The following PTPN14 variants were observed in gnomAD, a reference collection of about 807,000 sequenced individuals.
The protein encoded by PTPN14 is protein tyrosine phosphatase non-receptor type 14, also known as tyrosine-protein phosphatase non-receptor type 14.
Under a neutral mutation model 126.8 loss-of-function variants are expected in PTPN14, and 53 were observed. That is an observed-to-expected ratio of 0.42 (90% confidence interval 0.34 to 0.53). The LOEUF is 0.53. PTPN14 is among the 20% of genes least tolerant of loss of function. PTPN14 has a pLI of 0.08. For missense variants in PTPN14, 1,257 were observed against 1,552.9 expected, an observed-to-expected ratio of 0.81 and a Z score of 3.20; for synonymous variants, 630 against 599.3, an observed-to-expected ratio of 1.05 and a Z score of -0.75.
chr1:214,397,997 T>C lies in PTPN14; in HGVS notation c.674A>G (p.Asn225Ser), dbSNP rs768735006. Residue 225 changes from asparagine (N) to serine (S), a missense_variant, in exon 8 of 19, where the codon AAT becomes AGT. Transcript: ENST00000366956. ...GCCAAGGTGTACACAGTTTCCATGA[T>C]TGTCCTGGGTAAGACCAACAAAAGA... is the stretch of plus-strand genomic sequence containing the variant. The part of the protein sequence containing the change: ...FGQEIFPVKD[N>S]HGNCVHLGIF... 46 of 1,609,176 alleles carry C rather than the reference T, an allele frequency of 2.9e-5. No individual in the cohort carries two copies. Among genetic ancestry groups the C allele is most frequent in the Admixed American group, 1.8e-4 (11 of 59,988 alleles).
At chr1:214,539,728 G>A (rs962978851) in intron 1 of PTPN14, among the ~76,000 whole-genome samples, 1 of 152,084 alleles carries the variant, frequency 6.6e-6, no homozygotes, top group Non-Finnish European at 1.5e-5. Context: ...GAGGAGGAGG[G>A]AGGAAAGCAG....
Position 214,372,693 on chromosome 1 carries a change from GT to G in PTPN14, c.3036+17del, listed in dbSNP as rs1426007017. On this transcript the variant is annotated intron_variant, in intron 16 of 18. Transcript: ENST00000366956. ...TTCCCCTGGGGAAAAAGGATGTGGA[GT>G]AGGCCATTCCCCTTACCTCCTCTGC... The G allele has an allele frequency of 6.2e-7, 1 of 1,613,932 alleles. No individual in the cohort carries two copies. Among genetic ancestry groups the G allele is most frequent in the Non-Finnish European group, 8.5e-7 (1 of 1,179,904 alleles).
At chr1:214,368,906 T>G (rs1377531448) in intron 17 of PTPN14, among the ~76,000 whole-genome samples, 1 of 152,146 alleles carries the variant, frequency 6.6e-6, no homozygotes, top group Non-Finnish European at 1.5e-5. Flanking sequence ...TGCTTGAATC[T>G]GAGAGGCGGA....
chr1:214,375,678 G>A (rs17022757), intron 15 of PTPN14, among the ~76,000 whole-genome samples: 34,045 of 152,064 alleles, frequency 0.22, 4,165 homozygotes, highest in South Asian at 0.29. Context: ...GACTAATGTG[G>A]CAAATCTTTC....
At chr1:214,477,686 T>C (rs1309736401) in intron 1 of PTPN14, among the ~76,000 whole-genome samples, 2 of 152,204 alleles carry the variant, frequency 1.3e-5, no homozygotes, top group Non-Finnish European at 1.5e-5. Flanking sequence ...CATGTGGGGA[T>C]GGCTCTTCCC....
intron 11 of PTPN14, among the ~76,000 whole-genome samples, chr1:214,390,310 G>A (rs1222661062): frequency 1.3e-5 from 2 of 152,168 alleles, no homozygotes; most frequent in Non-Finnish European, 2.9e-5. Context: ...CATAGCCTAA[G>A]ACAGAACACA....
In PTPN14 at chr1:214,384,051, C is replaced by T. The variant is rs1056162245; in HGVS notation, c.1804G>A (p.Val602Met). The change falls in exon 13 of 19, where the codon GTG becomes ATG. Residue 602 changes from valine (V) to methionine (M), a missense_variant. This residue lies in a region of PTPN14 where 1,021 missense variants were observed against 1,183.3 expected (regional missense o/e 0.86). Coordinates refer to ENST00000366956, the MANE Select transcript of PTPN14 (RefSeq NM_005401.5). This position sits in a 1 kb window ranked among gnomAD's most constrained non-coding sequence, Gnocchi z 5.3. Reference protein sequence around the residue: ...GSSPDLVTRKVQLSVKTFQED... With the variant: ...GSSPDLVTRKMQLSVKTFQED... ...TGGAAGGTCTTCACCGAGAGCTGCA[C>T]CTTCCGGGTCACCAGGTCCGGGCTG... The T allele has an allele frequency of 3.2e-6, 5 of 1,585,872 alleles. No individual in the cohort carries two copies. The highest frequency in any genetic ancestry group is 4.3e-6 in the Non-Finnish European group (5 of 1,168,406).
Position 214,378,025 on chromosome 1 carries a change from C to T in PTPN14, c.2622G>A (p.Ser874=), listed in dbSNP as rs533003920. Residue 874 remains serine (S), a synonymous_variant, in exon 14 of 19, where the codon TCG becomes TCA. Coordinates refer to ENST00000366956, the MANE Select transcript of PTPN14 (RefSeq NM_005401.5). ...PLMLAALNGL[S]VARVSGREEN... Reference sequence around the variant, plus strand: ...CTTCCCGCCCTGAGACTCGAGCCACCGAGAGCCCATTCAATGCTGCCAACA... The same window carrying T: ...CTTCCCGCCCTGAGACTCGAGCCACTGAGAGCCCATTCAATGCTGCCAACA... 16 of 1,613,122 alleles carry T rather than the reference C, an allele frequency of 9.9e-6. No individual in the cohort carries two copies. The highest frequency in any genetic ancestry group is 3.3e-5 in the South Asian group (3 of 91,072).
At chr1:214,394,280 G>A (rs1474053345) in intron 9 of PTPN14, among the ~76,000 whole-genome samples, 1 of 152,216 alleles carries the variant, frequency 6.6e-6, no homozygotes, top group Non-Finnish European at 1.5e-5. Flanking sequence ...GTCACTAGAT[G>A]AGGGCTGTAA....
intron 1 of PTPN14, among the ~76,000 whole-genome samples, chr1:214,467,245 C>T (rs543129585): frequency 6.9e-4 from 102 of 147,470 alleles, no homozygotes; most frequent in Non-Finnish European, 1.2e-3. Flanking sequence ...ATGTTTACTA[C>T]TCATGAATTC....
intron 11 of PTPN14, among the ~76,000 whole-genome samples, chr1:214,387,831 A>G (rs1041734033): frequency 2.0e-5 from 3 of 152,224 alleles, no homozygotes; most frequent in Non-Finnish European, 4.4e-5. Flanking sequence ...CCCAGTTCAC[A>G]GCTCCACATC....
At chr1:214,520,062 AAAAATATATAT>A (rs1655209882) in intron 1 of PTPN14, among the ~76,000 whole-genome samples, 1 of 109,904 alleles carries the variant, frequency 9.1e-6, no homozygotes, top group African/African-American at 4.0e-5. Flanking sequence ...AAAAAAAAAA[AAAAATATATAT>A]ATATATATAT....
In PTPN14 at chr1:214,440,118, C is replaced by T. The variant is rs149440863; in HGVS notation, c.344+11687G>A. On this transcript the variant is annotated intron_variant, in intron 3 of 18. Coordinates refer to ENST00000366956, the MANE Select transcript of PTPN14 (RefSeq NM_005401.5). ...CTCTCCCATGTCAGCATGCTTGGTT[C>T]ACCTAAAACCATTCCAGAACCACCT... Among the ~76,000 whole-genome samples the T allele has an allele frequency of 1.5e-4, 23 of 152,284 alleles. No individual in the cohort carries two copies. The East Asian group carries it at 4.4e-3, about 29-fold the overall frequency.
intron 1 of PTPN14, among the ~76,000 whole-genome samples, chr1:214,478,231 TC>T (rs1250792078): frequency 6.6e-6 from 1 of 152,210 alleles, no homozygotes; most frequent in African/African-American, 2.4e-5. Context: ...AACCTGAGTA[TC>T]CATAATACAT....
chr1:214,516,170 C>A (rs1287546319), intron 1 of PTPN14, among the ~76,000 whole-genome samples: 1 of 152,160 alleles, frequency 6.6e-6, no homozygotes, highest in African/African-American at 2.4e-5. Flanking sequence ...AGCTGATGAG[C>A]CCAATATTAA....
intron 2 of PTPN14, 91 bp from the exon 3 acceptor site, chr1:214,452,065 A>G: frequency 7.1e-7 from 1 of 1,415,834 alleles, no homozygotes; most frequent in Admixed American, 2.2e-5. Context: ...GCTGCATCCC[A>G]CCCTGGGTTC....
chr1:214,411,051 C>T (rs1056754834), intron 5 of PTPN14, among the ~76,000 whole-genome samples: 9 of 152,170 alleles, frequency 5.9e-5, no homozygotes, highest in Non-Finnish European at 1.0e-4. Context: ...GACATTTTAA[C>T]AATATTGATT....
rs114186546 is a variant in PTPN14 at position 214,417,174 on chromosome 1, A to G, written c.345-2448T>C. On this transcript the variant is annotated intron_variant, in intron 3 of 18. Coordinates refer to ENST00000366956, the MANE Select transcript of PTPN14 (RefSeq NM_005401.5). ...TAGTCCATCTGACTCTTGAGGCCCA[A>G]TGAATGGTTTTAGGTTAGGATTCTG... 5.2e-3 allele frequency among the ~76,000 whole-genome samples: 787 copies of G among 152,314 alleles called. 5 individuals are homozygous for G. Among genetic ancestry groups the G allele is most frequent in the African/African-American group, 0.018 (752 of 41,562 alleles).
chr1:214,513,730 T>C (rs1655033254), intron 1 of PTPN14, among the ~76,000 whole-genome samples: 1 of 152,212 alleles, frequency 6.6e-6, no homozygotes. Flanking sequence ...TTGAGCTATA[T>C]TTTTTCTGTC....
Sources: gnomAD v4.1 joint callset for allele counts (sites outside exome capture counted in the v4.1 genomes callset) on GRCh38, gnomAD v4.1.1 for gene constraint, gnomAD v4.1.1 regional missense constraint, Gnocchi (gnomAD v3.1) non-coding constraint, MANE v1.5 for transcripts, NCBI Gene and HGNC (gene_info 2026-07-23, HGNC 2026-07-21) for gene names.